The following CECR2 variants were observed in gnomAD, a reference collection of about 807,000 sequenced individuals.
CECR2 encodes chromatin remodeling regulator CECR2.
CECR2 carries 30 observed loss-of-function variants against 154.5 expected under a neutral mutation model. The ratio of observed to expected loss-of-function variants is 0.19; its 90% CI spans 0.15 to 0.26. The LOEUF (loss-of-function observed/expected upper bound fraction) is 0.26, where lower values mean the gene tolerates loss of function less well. CECR2 is among the 10% of genes least tolerant of loss of function. The pLI, the probability that CECR2 is intolerant of heterozygous loss-of-function variation, is 1.00. For synonymous variants in CECR2, 725 were observed against 683.7 expected (o/e 1.06, Z -0.94); for missense variants, 1,743 against 1,829.3 (o/e 0.95, Z 0.86).
chr22:17,463,497 T>A (rs1462398051), intron 1 of CECR2, among the ~76,000 whole-genome samples: 2 of 152,148 alleles, frequency 1.3e-5, no homozygotes, highest in Non-Finnish European at 2.9e-5. Context: ...GAATCTCTTT[T>A]GAATATAGTC....
chr22:17,384,644 C>G (rs1601258863), intron 1 of CECR2, among the ~76,000 whole-genome samples: 1 of 152,124 alleles, frequency 6.6e-6, no homozygotes, highest in Non-Finnish European at 1.5e-5. Context: ...GTGCTGTTAT[C>G]CAGGTTTTGT....
upstream of CECR2, among the ~76,000 whole-genome samples, chr22:17,365,919 C>T (rs563296573): frequency 6.6e-6 from 1 of 151,248 alleles, no homozygotes; most frequent in East Asian, 1.9e-4. Flanking sequence ...TATATAAATC[C>T]CAACATAGCT....
At chr22:17,450,331 C>A (rs1215823256) in intron 1 of CECR2, among the ~76,000 whole-genome samples, 3 of 152,148 alleles carry the variant, frequency 2.0e-5, no homozygotes, top group Non-Finnish European at 4.4e-5. Context: ...AGTGCAGTGG[C>A]GCAACATCGG....
At chr22:17,434,650 C>T (rs143820432) in intron 1 of CECR2, among the ~76,000 whole-genome samples, 7 of 151,250 alleles carry the variant, frequency 4.6e-5, no homozygotes, top group Non-Finnish European at 2.9e-5. Flanking sequence ...CCGCACCCCC[C>T]CTGCTGCTCC....
intron 1 of CECR2, among the ~76,000 whole-genome samples, chr22:17,384,319 C>T (rs188999475): frequency 6.6e-5 from 10 of 152,216 alleles, no homozygotes; most frequent in East Asian, 1.9e-4. Context: ...CCTGGCCTCA[C>T]GCAGTTCTCC....
intron 8 of CECR2, among the ~76,000 whole-genome samples, chr22:17,516,869 C>T (rs2056066064): frequency 6.6e-6 from 1 of 151,948 alleles, no homozygotes; most frequent in Non-Finnish European, 1.5e-5. Context: ...GCTGGGATTA[C>T]AGGTGTGAGC....
At position 17,556,547 on chromosome 22, in the gene CECR2, A is replaced by G. The variant is rs1450769584; in HGVS notation, c.*3707A>G. 1 of 152,022 alleles carries G rather than the reference A, an allele frequency of 6.6e-6. No individual in the cohort carries two copies. Among genetic ancestry groups the G allele is most frequent in the African/African-American group, 2.4e-5 (1 of 41,368 alleles). 9.4% of individuals were successfully genotyped at this position (152,022 alleles called of 1,614,324 possible). On this transcript the variant is annotated 3_prime_UTR_variant, in exon 19 of 19. Transcript: ENST00000262608. ...GCTGTCAGAAACAAGTTTGCAATCC[A>G]TACTTCTTGGTTCAATTTTTTTTTT...
intron 1 of CECR2, among the ~76,000 whole-genome samples, chr22:17,454,832 G>C (rs151181824): frequency 0.04 from 6,130 of 152,176 alleles, 320 homozygotes; most frequent in African/African-American, 0.12. Context: ...GTTTCCTGGT[G>C]CCATAAAGAA....
chr22:17,410,914 A>G (rs2054059263), intron 1 of CECR2, among the ~76,000 whole-genome samples: 1 of 152,194 alleles, frequency 6.6e-6, no homozygotes, highest in Admixed American at 6.5e-5. Context: ...GATGTTAGAG[A>G]TAATTTAGGT....
chr22:17,430,031 C>T (rs2054397236), intron 1 of CECR2, among the ~76,000 whole-genome samples: 1 of 152,164 alleles, frequency 6.6e-6, no homozygotes, highest in Non-Finnish European at 1.5e-5. Context: ...TGAGAGTATT[C>T]GTTTCCTATA....
chr22:17,509,149 G>A (rs1193641469), intron 7 of CECR2, among the ~76,000 whole-genome samples: 1 of 152,170 alleles, frequency 6.6e-6, no homozygotes, highest in Non-Finnish European at 1.5e-5. Flanking sequence ...CACTCAGGAA[G>A]CTGAGGCAGA....
At chr22:17,518,749 C>A in intron 8 of CECR2, 1 of 379,046 alleles carries the variant, frequency 2.6e-6, no homozygotes. Context: ...CTTAACACCT[C>A]TGCCTTCACA....
intron 1 of CECR2, among the ~76,000 whole-genome samples, chr22:17,439,263 A>G (rs2054550287): frequency 6.6e-6 from 1 of 151,736 alleles, no homozygotes; most frequent in Admixed American, 6.6e-5. Flanking sequence ...TGAGTGCCAG[A>G]TAATTTCTGT....
chr22:17,368,806 T>G (rs2063019659), upstream of CECR2, among the ~76,000 whole-genome samples: 1 of 152,050 alleles, frequency 6.6e-6, no homozygotes, highest in Non-Finnish European at 1.5e-5. Context: ...CTCTTCCCGC[T>G]TGGCTGCTGA....
At chr22:17,407,709 C>T (rs767347194) in intron 1 of CECR2, among the ~76,000 whole-genome samples, 2 of 152,042 alleles carry the variant, frequency 1.3e-5, no homozygotes, top group Non-Finnish European at 2.9e-5. Context: ...TGGTTCTCAA[C>T]GGGGTGATTT....
At chr22:17,372,063 T>C (rs2063067973) in intron 1 of CECR2, among the ~76,000 whole-genome samples, 1 of 152,256 alleles carries the variant, frequency 6.6e-6, no homozygotes, top group Non-Finnish European at 1.5e-5. Flanking sequence ...GTCCTCTCTT[T>C]TGACTCCAGT....
At chr22:17,478,352 A>ATTTTT (rs56010603) in intron 2 of CECR2, among the ~76,000 whole-genome samples, 9 of 118,964 alleles carry the variant, frequency 7.6e-5, no homozygotes, top group East Asian at 2.5e-4. Flanking sequence ...ATGGTATCAA[A>ATTTTT]TTTTTTTTTT....
At chr22:17,547,237 CTTT>C (rs111281450) in intron 16 of CECR2, among the ~76,000 whole-genome samples, 1 of 146,552 alleles carries the variant, frequency 6.8e-6, no homozygotes, top group African/African-American at 2.5e-5. Context: ...AAAAATGCCT[CTTT>C]TTTTTTTGAG....
At chr22:17,509,451 C>T (rs1193179779) in intron 7 of CECR2, among the ~76,000 whole-genome samples, 4 of 147,830 alleles carry the variant, frequency 2.7e-5, no homozygotes, top group Non-Finnish European at 5.9e-5. Flanking sequence ...TAAACAGAGA[C>T]AGGGACCTTA....
Sources: gnomAD v4.1 joint callset for allele counts (sites outside exome capture counted in the v4.1 genomes callset) on GRCh38, gnomAD v4.1.1 for gene constraint, MANE v1.5 for transcripts, NCBI Gene and HGNC (gene_info 2026-07-23, HGNC 2026-07-21) for gene names.